Variants in EXOC3 observed in about 807,000 individuals in gnomAD.
EXOC3 encodes the protein SEC6-like 1.
In EXOC3, 21 loss-of-function variants were observed where a neutral mutation model predicts 73.7. That is an observed-to-expected ratio of 0.29 (90% CI 0.20 to 0.41). The LOEUF (loss-of-function observed/expected upper bound fraction) is 0.41. Among genes scored for constraint, EXOC3 ranks in the 10% least tolerant of loss-of-function variants. The pLI, the probability that EXOC3 is intolerant of heterozygous loss-of-function variation, is 1.00. For synonymous variants in EXOC3, 410 were observed against 389.1 expected (o/e 1.05, Z -0.63); for missense variants, 842 against 985.1 (o/e 0.85, Z 1.95).
chr5:451,882 G>GC (rs1280641453), intron 3 of EXOC3, among the ~76,000 whole-genome samples: 1 of 152,194 alleles, frequency 6.6e-6, no homozygotes, highest in Non-Finnish European at 1.5e-5. Flanking sequence ...TCATCCCACT[G>GC]CCTCTGGCCT....
rs141734504 is a variant in EXOC3, at chr5:459,418, A to G, written c.1350A>G (p.Val450=). 59 of 1,573,428 alleles carry G rather than the reference A, an allele frequency of 3.7e-5. No homozygotes were observed. The Admixed American group carries it at 9.7e-4, about 26-fold the overall frequency. Residue 450 remains valine (V), a synonymous_variant, in exon 7 of 13, where the codon GTA becomes GTG. Coordinates refer to ENST00000512944, the MANE Select transcript of EXOC3 (RefSeq NM_007277.5). ...AQISEDLKTK[V]LVLCLQQMNS... is the part of the protein sequence containing the mutation. ...TAAGTGAAGATTTGAAAACAAAGGT[A>G]CTAGTTTTATGTCTTCAGCAGATGA...
intron 9 of EXOC3, chr5:462,659 A>G (rs374347994): frequency 3.0e-5 from 7 of 233,614 alleles, no homozygotes; most frequent in African/African-American, 1.3e-4. Flanking sequence ...TCGCTTTTGA[A>G]TATAGGTACA....
chr5:453,306 C>A, intron 3 of EXOC3, 64 bp from the exon 4 acceptor site: 1 of 1,279,484 alleles, frequency 7.8e-7, no homozygotes, highest in African/African-American at 1.5e-5. Flanking sequence ...CCCAGAACAC[C>A]GCATGCAGGC....
chr5:464,505 G>A lies in EXOC3; in HGVS notation c.1776+93G>A, dbSNP rs547665464. ...TTCAGCATCCAGCGAGTCCCTCCGT[G>A]AGTGAACGTTCACTTGTTGTCCTAT... On this transcript the variant is annotated intron_variant, in intron 10 of 12. Coordinates refer to ENST00000512944, the MANE Select transcript of EXOC3 (RefSeq NM_007277.5). The A allele has an allele frequency of 1.9e-5, 26 of 1,382,974 alleles. No individual in the cohort carries two copies. The South Asian group carries it at 2.9e-4, about 16-fold the overall frequency. The allele number at this position is 1,382,974 out of a possible 1,614,324, so 85.7% of individuals were successfully genotyped here.
At chr5:450,884 C>T (rs187744479) in intron 3 of EXOC3, among the ~76,000 whole-genome samples, 78 of 151,440 alleles carry the variant, frequency 5.2e-4, no homozygotes, top group African/African-American at 1.7e-3. Context: ...TATCTTTTTC[C>T]ACCCTTTTAC....
In EXOC3 at chr5:462,145, C is replaced by T; in HGVS notation, c.1503-12C>T. On this transcript the variant is annotated splice_polypyrimidine_tract_variant and intron_variant, in intron 8 of 12. Coordinates refer to ENST00000512944, the MANE Select transcript of EXOC3 (RefSeq NM_007277.5). ...CCAGCCGCTGTGTTGAACCTGAACC[C>T]TTTCCTTGCAGGGAATCCATAGTCA... 6.2e-7 allele frequency: 1 copy of T among 1,613,638 alleles called. No homozygotes were observed. The highest frequency in any genetic ancestry group is 8.5e-7 in the Non-Finnish European group (1 of 1,179,686).
In EXOC3 at chr5:464,415, A is replaced by G. The variant is rs1161588160; in HGVS notation, c.1776+3A>G. 4.3e-6 allele frequency: 7 copies of G among 1,613,128 alleles called. No homozygotes were observed. The highest frequency in any genetic ancestry group is 1.3e-5 in the African/African-American group (1 of 75,056). ...AAATTAAAAAGCCGTATAAGAAGGT[A>G]AGAAGGTGGGACCTAGTTCCCTCAT... On this transcript the variant is annotated splice_donor_region_variant and intron_variant, in intron 10 of 12. Coordinates refer to ENST00000512944, the MANE Select transcript of EXOC3 (RefSeq NM_007277.5).
chr5:462,172 T>A lies in EXOC3; in HGVS notation c.1518T>A (p.Ser506Arg). The A allele has an allele frequency of 6.2e-7, 1 of 1,613,886 alleles. No homozygotes were observed. The highest frequency in any genetic ancestry group is 8.5e-7 in the Non-Finnish European group (1 of 1,179,854). Residue 506 changes from serine (S) to arginine (R), a missense_variant, in exon 9 of 13, where the codon AGT becomes AGA. Physicochemically the swap from Ser to Arg is moderately radical, Grantham distance 110. Transcript: ENST00000512944. ...NCQTFKESIV[S>R]LKRKYLKNEV... ...TTCCTTGCAGGGAATCCATAGTCAG[T>A]TTAAAAAGAAAGTATTTAAAGAATG...
Position 465,135 on chromosome 5 carries a change from C to G in EXOC3, c.1801C>G (p.Arg601Gly), listed in dbSNP as rs769432985. 1 of 1,590,560 alleles carries G rather than the reference C, an allele frequency of 6.3e-7. No individual in the cohort carries two copies. Among genetic ancestry groups the G allele is most frequent in the Middle Eastern group, 1.8e-4 (1 of 5,452 alleles). Residue 601 changes from arginine (R) to glycine (G), a missense_variant, in exon 11 of 13, where the codon CGC becomes GGC. Arg to Gly is a moderately radical substitution (Grantham distance 125). Coordinates refer to ENST00000512944, the MANE Select transcript of EXOC3 (RefSeq NM_007277.5). ...GAGGATGACGGCCGAGGCGCACCGG[C>G]GCGTGGTGGTGGAGTACCTGCGGGC... ...KKRMTAEAHR[R>G]VVVEYLRAVM...
chr5:447,225 C>T (rs1027470521), intron 2 of EXOC3: 6 of 251,204 alleles, frequency 2.4e-5, no homozygotes, highest in Admixed American at 5.5e-5. Flanking sequence ...TAGCAGGCCA[C>T]GGCCCAGGGC....
rs774670057 is a variant in EXOC3, at chr5:453,679, G to T, written c.674G>T (p.Arg225Leu). ...GAAAGGGAAGAGAAAATTGACAGGC[G>T]CATACTTGACCGGAAAAAGCAAACT... ...IIEREEKIDR[R>L]ILDRKKQTGF... The change falls in exon 4 of 13, where the codon CGC (arginine) becomes CTC (leucine). Residue 225 changes from arginine (R) to leucine (L), a missense_variant. Physicochemically the swap from Arg to Leu is moderately radical, Grantham distance 102 (BLOSUM62 -2). Coordinates refer to ENST00000512944, the MANE Select transcript of EXOC3 (RefSeq NM_007277.5). 2 of 1,613,912 alleles carry T rather than the reference G, an allele frequency of 1.2e-6. No homozygotes were observed. Among genetic ancestry groups the T allele is most frequent in the Non-Finnish European group, 1.7e-6 (2 of 1,179,884 alleles).
chr5:466,753 C>T lies in EXOC3; in HGVS notation c.2093C>T (p.Ala698Val), dbSNP rs1340634028. The T allele has an allele frequency of 6.2e-7, 1 of 1,612,948 alleles. No individual in the cohort carries two copies. Among genetic ancestry groups the T allele is most frequent in the Admixed American group, 1.7e-5 (1 of 59,986 alleles). ...IRDDHIGALL[A>V]VRGDASRDMK... ...GATGACCACATCGGTGCGCTGCTGG[C>T]TGTGCGTGGGGACGCCAGCCGTGAC... The change falls in exon 13 of 13, where the codon GCT (alanine) becomes GTT (valine). Residue 698 changes from alanine to valine, a missense_variant. Ala to Val is a moderately conservative substitution (Grantham distance 64). Transcript: ENST00000512944.
intron 5 of EXOC3, chr5:457,337 G>GC: frequency 2.8e-6 from 1 of 353,408 alleles, no homozygotes; most frequent in East Asian, 6.2e-5. Context: ...TGGTTGGGGG[G>GC]GTCCGTCAAG....
chr5:445,819 G>C (rs1386031917), intron 1 of EXOC3, among the ~76,000 whole-genome samples: 1 of 152,192 alleles, frequency 6.6e-6, no homozygotes, highest in Non-Finnish European at 1.5e-5. Context: ...CCCGAAATGA[G>C]AAACCAGCCC....
At chr5:447,824 G>A (rs968020819) in intron 3 of EXOC3, 72 bp downstream of exon 3, 2 of 1,143,572 alleles carry the variant, frequency 1.7e-6, no homozygotes, top group Admixed American at 4.8e-5. Context: ...TGCTCTGTGT[G>A]CAGTGTGCTT....
intron 7 of EXOC3, chr5:461,749 G>A (rs932423897): frequency 1.8e-6 from 1 of 557,838 alleles, no homozygotes; most frequent in African/African-American, 1.9e-5. Context: ...TTTAAAGCCT[G>A]AGGTGAAGTT....
chr5:447,816 C>A, intron 3 of EXOC3, 64 bp downstream of exon 3: 1 of 1,201,736 alleles, frequency 8.3e-7, no homozygotes, highest in Non-Finnish European at 1.2e-6. Flanking sequence ...TCACTGAGTG[C>A]TCTGTGTGCA....
intron 6 of EXOC3, among the ~76,000 whole-genome samples, chr5:458,452 G>A (rs1020368440): frequency 4.6e-5 from 7 of 152,248 alleles, no homozygotes; most frequent in Admixed American, 2.6e-4. Context: ...TGCCCAGGCT[G>A]GAGTGCGGTA....
At chr5:443,694 G>T (rs1352171401) in intron 1 of EXOC3, among the ~76,000 whole-genome samples, 1 of 151,402 alleles carries the variant, frequency 6.6e-6, no homozygotes, top group Admixed American at 6.6e-5. Context: ...GTCCTTCCTG[G>T]CGCAGGTGTC....
Sources: gnomAD v4.1 joint callset for allele counts (sites outside exome capture counted in the v4.1 genomes callset) on GRCh38, gnomAD v4.1.1 for gene constraint, MANE v1.5 for transcripts, NCBI Gene and HGNC (gene_info 2026-07-23, HGNC 2026-07-21) for gene names.